ITGB8: variants seen among roughly 807,000 people sequenced by gnomAD.
ITGB8 encodes the protein integrin subunit beta 8.
A neutral mutation model predicts 89.5 loss-of-function variants in ITGB8; 30 were observed. The ratio of observed to expected loss-of-function variants is 0.34; its 90% CI spans 0.25 to 0.45. The LOEUF is 0.45. Ranked by LOEUF, ITGB8 falls within the 20% of genes least tolerant of loss-of-function variation. The pLI, the probability that ITGB8 is intolerant of heterozygous loss-of-function variation, is 1.00. For missense variants in ITGB8, 836 were observed against 933.3 expected, an observed-to-expected ratio of 0.90 and a Z score of 1.36; for synonymous variants, 335 against 320.4, an observed-to-expected ratio of 1.05 and a Z score of -0.49.
intron 3 of ITGB8, 22 bp from the exon 4 acceptor site, chr7:20,379,027 GAT>G (rs1786267002): frequency 6.5e-7 from 1 of 1,546,878 alleles, no homozygotes; most frequent in African/African-American, 1.4e-5. Context: ...AAGACTACAT[GAT>G]GTTTTTCTTC....
At position 20,410,110 on chromosome 7, in the gene ITGB8, C is replaced by A; in HGVS notation, c.*113C>A. ...AAATTGCTCACGGTCATGCCAGTTG[C>A]TGGTTGTACACTCGAACGAAGACTG... On this transcript the variant is annotated 3_prime_UTR_variant, in exon 14 of 14. Coordinates refer to ENST00000222573, the MANE Select transcript of ITGB8 (RefSeq NM_002214.3). The A allele has an allele frequency of 9.5e-7, 1 of 1,054,686 alleles. No individual in the cohort carries two copies. The allele number at this position is 1,054,686 out of a possible 1,614,324, so 65.3% of individuals were successfully genotyped here.
At chr7:20,336,632 T>C (rs1404574321) in intron 1 of ITGB8, among the ~76,000 whole-genome samples, 1 of 152,230 alleles carries the variant, frequency 6.6e-6, no homozygotes, top group Non-Finnish European at 1.5e-5. Context: ...ATGAACTTCC[T>C]AATCAGTCTT....
chr7:20,347,561 G>C (rs1220201909), intron 1 of ITGB8, among the ~76,000 whole-genome samples: 18 of 152,294 alleles, frequency 1.2e-4, no homozygotes, highest in Non-Finnish European at 2.4e-4. Context: ...GTAGAGAGAG[G>C]AGTCAAGGTT....
At chr7:20,375,859 G>A (rs761721575) in intron 3 of ITGB8, among the ~76,000 whole-genome samples, 1 of 152,072 alleles carries the variant, frequency 6.6e-6, no homozygotes, top group Non-Finnish European at 1.5e-5. Context: ...CCTGATAGTT[G>A]GAATAGCCCA....
chr7:20,367,225 CT>C (rs1361118780), intron 3 of ITGB8, 39 bp downstream of exon 3: 1 of 1,437,268 alleles, frequency 7.0e-7, no homozygotes, highest in Admixed American at 1.8e-5. Context: ...TGATTCTTAA[CT>C]TGAAATTGCA....
intron 1 of ITGB8, among the ~76,000 whole-genome samples, chr7:20,350,684 T>G (rs1275632716): frequency 6.6e-6 from 1 of 152,230 alleles, no homozygotes; most frequent in African/African-American, 2.4e-5. Context: ...AGTTAGTTTA[T>G]GAAGCCGAGG....
chr7:20,381,028 A>T, intron 5 of ITGB8, 197 bp downstream of exon 5: 1 of 504,368 alleles, frequency 2.0e-6, no homozygotes, highest in East Asian at 3.4e-5. Flanking sequence ...GGAGGGATTT[A>T]AATAGGAAAA....
chr7:20,404,972 T>A, intron 11 of ITGB8, 119 bp downstream of exon 11: 1 of 837,166 alleles, frequency 1.2e-6, no homozygotes, highest in Non-Finnish European at 1.9e-6. Flanking sequence ...TAAAAAAGAA[T>A]TAAATGAGAA....
intron 1 of ITGB8, 85 bp from the exon 2 acceptor site, chr7:20,363,552 T>A: frequency 3.0e-6 from 2 of 668,676 alleles, no homozygotes. Flanking sequence ...TTTGTTTCAA[T>A]TGTTCATTTG....
intron 1 of ITGB8, among the ~76,000 whole-genome samples, chr7:20,332,345 T>C (rs1784433061): frequency 6.6e-6 from 1 of 152,190 alleles, no homozygotes; most frequent in Admixed American, 6.5e-5. Flanking sequence ...CTCGAGGCTG[T>C]AGATAAGTTG....
chr7:20,348,801 A>G (rs1012155738), intron 1 of ITGB8, among the ~76,000 whole-genome samples: 4 of 152,224 alleles, frequency 2.6e-5, no homozygotes, highest in Non-Finnish European at 5.9e-5. Context: ...GGAGAATCTC[A>G]TAAGTAGCCA....
intron 3 of ITGB8, among the ~76,000 whole-genome samples, chr7:20,372,005 TAAGG>T (rs1284321276): frequency 6.6e-6 from 1 of 152,202 alleles, no homozygotes; most frequent in Non-Finnish European, 1.5e-5. Context: ...ACATTTTTCC[TAAGG>T]TATTAATCAT....
intron 3 of ITGB8, among the ~76,000 whole-genome samples, chr7:20,372,577 T>C (rs2107129): frequency 0.45 from 68,995 of 151,792 alleles, 16,133 homozygotes; most frequent in Middle Eastern, 0.57. Flanking sequence ...AGGGGAGAGA[T>C]AGGGGTTGGA....
chr7:20,376,478 C>CA (rs1786150459), intron 3 of ITGB8, among the ~76,000 whole-genome samples: 1 of 152,152 alleles, frequency 6.6e-6, no homozygotes, highest in African/African-American at 2.4e-5. Context: ...ACAATATCCA[C>CA]AGTGCTGCAA....
chr7:20,387,398 A>G (rs1341114720), intron 6 of ITGB8, among the ~76,000 whole-genome samples: 2 of 152,198 alleles, frequency 1.3e-5, no homozygotes, highest in Non-Finnish European at 2.9e-5. Context: ...AATCTCCACC[A>G]TCTGAGTGGT....
chr7:20,348,170 T>G (rs2128130376), intron 1 of ITGB8, among the ~76,000 whole-genome samples: 1 of 152,290 alleles, frequency 6.6e-6, no homozygotes, highest in African/African-American at 2.4e-5. Context: ...TGGTATGAGT[T>G]CTTATGGATT....
intron 3 of ITGB8, among the ~76,000 whole-genome samples, chr7:20,378,076 A>C (rs144091313): frequency 3.3e-4 from 50 of 152,370 alleles, no homozygotes; most frequent in African/African-American, 1.2e-3. Flanking sequence ...AAATTTACAA[A>C]TTACAAATTG....
At chr7:20,409,432 C>T (rs757433611) in intron 12 of ITGB8, among the ~76,000 whole-genome samples, 183 bp from the exon 13 acceptor site, 3 of 152,088 alleles carry the variant, frequency 2.0e-5, no homozygotes, top group African/African-American at 4.8e-5. Flanking sequence ...TCATAGTAAA[C>T]GCGCAAGAAA....
intron 8 of ITGB8, among the ~76,000 whole-genome samples, chr7:20,397,742 T>A (rs186600000): frequency 6.6e-6 from 1 of 152,332 alleles, no homozygotes; most frequent in East Asian, 1.9e-4. Context: ...AATATTTACT[T>A]TGAGAAATTA....
Sources: gnomAD v4.1 joint callset for allele counts (sites outside exome capture counted in the v4.1 genomes callset) on GRCh38, gnomAD v4.1.1 for gene constraint, MANE v1.5 for transcripts, NCBI Gene and HGNC (gene_info 2026-07-23, HGNC 2026-07-21) for gene names.